The following XXYLT1 variants were observed in gnomAD, a reference collection of about 807,000 sequenced individuals.
XXYLT1 encodes the protein xyloside xylosyltransferase 1.
A neutral mutation model predicts 28.9 loss-of-function variants in XXYLT1; 20 were observed. The observed-to-expected ratio is 0.69, with a 90% CI of 0.49 to 1.00. The LOEUF (loss-of-function observed/expected upper bound fraction) is 1.00. Ranked by LOEUF, XXYLT1 falls within the 50% of genes least tolerant of loss-of-function variation. The probability of loss-of-function intolerance (pLI) is 0.00; values close to 1 mark genes in which losing one functional copy is unlikely to be tolerated. For missense variants in XXYLT1, 542 were observed against 560.1 expected, an observed-to-expected ratio of 0.97 and a Z score of 0.33; for synonymous variants, 257 against 253.8, an observed-to-expected ratio of 1.01 and a Z score of -0.12.
At chr3:195,154,847 T>G (rs1314601035) in intron 3 of XXYLT1, among the ~76,000 whole-genome samples, 1 of 152,198 alleles carries the variant, frequency 6.6e-6, no homozygotes, top group African/African-American at 2.4e-5. Context: ...CCCCTCAAAT[T>G]CTTTCTTCTG....
chr3:195,243,672 A>G (rs1189881059), intron 1 of XXYLT1, among the ~76,000 whole-genome samples: 1 of 152,204 alleles, frequency 6.6e-6, no homozygotes, highest in East Asian at 1.9e-4. Flanking sequence ...GCCCCCACCA[A>G]TAACTTGAGC....
rs770779670 is a variant in XXYLT1 at position 195,070,096 on chromosome 3, C to G, written c.801G>C (p.Gln267His). Residue 267 changes from glutamine to histidine, a missense_variant, in exon 4 of 4, where the codon CAG becomes CAC. By Grantham distance (24) the Gln-to-His change is conservative (BLOSUM62 0). Transcript: ENST00000310380. ...GGGTCTGGGGGTTCTCATGGCGGAA[C>G]TGCCAGAATGTGTGCCTGTGGAGAG... is the stretch of plus-strand genomic sequence containing the variant. ...MQPVYRHTFW[Q>H]FRHENPQTRV... 3 of 1,573,644 alleles carry G rather than the reference C, an allele frequency of 1.9e-6. No homozygotes were observed. The highest frequency in any genetic ancestry group is 2.6e-6 in the Non-Finnish European group (3 of 1,167,660).
intron 2 of XXYLT1, among the ~76,000 whole-genome samples, chr3:195,163,558 C>T (rs1269814013): frequency 6.6e-6 from 1 of 152,208 alleles, no homozygotes; most frequent in Non-Finnish European, 1.5e-5. Context: ...TTGCAACGTT[C>T]AAAATACATT....
chr3:195,207,231 G>A (rs1278407491), intron 2 of XXYLT1, among the ~76,000 whole-genome samples: 1 of 152,160 alleles, frequency 6.6e-6, no homozygotes, highest in East Asian at 1.9e-4. Context: ...AGCATATGGT[G>A]TGCAAAGCAG....
In XXYLT1 at chr3:195,270,604, T is replaced by TTGGCCACCTCGCGGC. The variant is rs1325503922; in HGVS notation, c.440_454dup (p.Ser147_Ala151dup). The TTGGCCACCTCGCGGC allele has an allele frequency of 6.8e-7, 1 of 1,463,386 alleles. No homozygotes were observed. Among genetic ancestry groups the TTGGCCACCTCGCGGC allele is most frequent in the Non-Finnish European group, 9.0e-7 (1 of 1,107,242 alleles). The allele number at this position is 1,463,386 out of a possible 1,614,324, so 90.7% of individuals were successfully genotyped here. A position where few individuals can be genotyped will look rare whatever the true frequency, so the allele number is the denominator to read the frequency against. ...CGGCAGGAGCTCCCGCAGCAGGCCCTTGGCCACCTCGCGGCTGGCCTCCTC... is the reference window on the plus strand; with the variant it reads ...CGGCAGGAGCTCCCGCAGCAGGCCCTTGGCCACCTCGCGGCTGGCCACCTCGCGGCTGGCCTCCTC... On this transcript the variant is annotated inframe_insertion, in exon 1 of 4. Coordinates refer to ENST00000310380, the MANE Select transcript of XXYLT1 (RefSeq NM_152531.5).
chr3:195,106,634 AGGGAGGGCCGCAGAGC>A (rs890774458), intron 3 of XXYLT1, among the ~76,000 whole-genome samples: 3 of 152,204 alleles, frequency 2.0e-5, no homozygotes, highest in African/African-American at 7.2e-5. Flanking sequence ...ACGCCGCGGC[AGGGAGGGCCGCAGAGC>A]GGGAGGGGCC....
chr3:195,123,785 C>T (rs1196758237), intron 3 of XXYLT1, among the ~76,000 whole-genome samples: 1 of 152,194 alleles, frequency 6.6e-6, no homozygotes, highest in Admixed American at 6.5e-5. Context: ...AAGGGGGGCA[C>T]CAGATGCTAC....
intron 2 of XXYLT1, among the ~76,000 whole-genome samples, chr3:195,201,716 A>G (rs1304147955): frequency 6.6e-6 from 1 of 152,114 alleles, no homozygotes; most frequent in African/African-American, 2.4e-5. Flanking sequence ...CATTTCAGGG[A>G]CCATCTAAAT....
chr3:195,240,139 A>G lies in XXYLT1; in HGVS notation c.505-13283T>C, dbSNP rs557469064. Among the ~76,000 whole-genome samples the G allele has an allele frequency of 6.6e-6, 1 of 152,354 alleles. No individual in the cohort carries two copies. Among genetic ancestry groups the G allele is most frequent in the East Asian group, 1.9e-4 (1 of 5,196 alleles). On this transcript the variant is annotated intron_variant, in intron 1 of 3. Coordinates refer to ENST00000310380, the MANE Select transcript of XXYLT1 (RefSeq NM_152531.5). This position sits in a 1 kb window ranked among gnomAD's most constrained non-coding sequence, Gnocchi z 4.7. The stretch of plus-strand genomic sequence containing the variant: ...CAAACAGTACTTTGTTGTTCAAACT[A>G]AAATATGTAACCGAGAAAGTGCTGT...
chr3:195,200,777 T>C (rs571434835), intron 2 of XXYLT1, among the ~76,000 whole-genome samples: 1 of 152,246 alleles, frequency 6.6e-6, no homozygotes, highest in East Asian at 1.9e-4. Context: ...AGTCACTCAG[T>C]AGAAAGAGCT....
At chr3:195,113,373 C>A (rs1717883511) in intron 3 of XXYLT1, among the ~76,000 whole-genome samples, 1 of 152,170 alleles carries the variant, frequency 6.6e-6, no homozygotes, top group Admixed American at 6.5e-5. Flanking sequence ...TTAACACTTA[C>A]TACGAGGCAG....
chr3:195,070,845 T>G (rs532522257), intron 3 of XXYLT1, among the ~76,000 whole-genome samples: 19 of 150,512 alleles, frequency 1.3e-4, no homozygotes, highest in African/African-American at 4.4e-4. Context: ...AGAAGAGCCA[T>G]GTAGGATGAT....
At chr3:195,153,380 C>T (rs988294022) in intron 3 of XXYLT1, among the ~76,000 whole-genome samples, 14 of 152,256 alleles carry the variant, frequency 9.2e-5, no homozygotes, top group Middle Eastern at 3.4e-3. Context: ...GCGGGGCACG[C>T]GGCAGGCAGT....
chr3:195,242,504 G>A (rs1724821966), intron 1 of XXYLT1, among the ~76,000 whole-genome samples: 1 of 152,154 alleles, frequency 6.6e-6, no homozygotes, highest in Non-Finnish European at 1.5e-5. Flanking sequence ...ATGAGGAGTG[G>A]TTTTAAGGAG....
chr3:195,252,881 C>A (rs1428554480), intron 1 of XXYLT1, among the ~76,000 whole-genome samples: 1 of 152,064 alleles, frequency 6.6e-6, no homozygotes, highest in Admixed American at 6.5e-5. Flanking sequence ...GCAGGGGCGG[C>A]GAGGCGGGGA....
chr3:195,215,909 C>T lies in XXYLT1; in HGVS notation c.652+10800G>A, dbSNP rs564409723. 1.1e-4 allele frequency among the ~76,000 whole-genome samples: 17 copies of T among 152,150 alleles called. No individual in the cohort carries two copies. In the South Asian group the frequency reaches 3.5e-3, roughly 32 times the overall value. ...ACACCACATCTATTCCAAACTTGAC[C>T]ACATACTGGGAAGTAAAGCTCTCCT... On this transcript the variant is annotated intron_variant, in intron 2 of 3. Coordinates refer to ENST00000310380, the MANE Select transcript of XXYLT1 (RefSeq NM_152531.5).
chr3:195,142,814 G>A (rs1168374192), intron 3 of XXYLT1, among the ~76,000 whole-genome samples: 1 of 152,220 alleles, frequency 6.6e-6, no homozygotes, highest in Non-Finnish European at 1.5e-5. Context: ...GTGGGAAGCA[G>A]TGAGGATATA....
intron 1 of XXYLT1, among the ~76,000 whole-genome samples, chr3:195,259,445 C>A (rs1311937645): frequency 1.3e-5 from 2 of 152,150 alleles, no homozygotes; most frequent in Admixed American, 1.3e-4. Flanking sequence ...GGTCCCAGGG[C>A]GAAAGATAAG....
intron 3 of XXYLT1, among the ~76,000 whole-genome samples, chr3:195,102,262 A>G (rs567328887): frequency 6.6e-6 from 1 of 152,328 alleles, no homozygotes; most frequent in South Asian, 2.1e-4. Context: ...ATCAATTCAC[A>G]TTGTTACTCA....
Sources: allele counts gnomAD v4.1 joint callset (sites outside exome capture counted in the v4.1 genomes callset), GRCh38; gene constraint gnomAD v4.1.1; non-coding constraint Gnocchi (gnomAD v3.1); transcripts MANE v1.5; gene names NCBI Gene and HGNC (gene_info 2026-07-23, HGNC 2026-07-21).